BCORL1: variants seen among roughly 807,000 people sequenced by gnomAD.
The protein encoded by BCORL1 is BCL6 corepressor like 1, also known as BCL-6 corepressor-like protein 1.
Under a neutral mutation model 87.6 loss-of-function variants are expected in BCORL1, and 7 were observed. The observed-to-expected ratio is 0.08, with a 90% confidence interval of 0.05 to 0.15. BCORL1 has a LOEUF of 0.15. Ranked by LOEUF, BCORL1 falls within the 10% of genes least tolerant of loss-of-function variation. BCORL1 has a pLI of 1.00. For missense variants in BCORL1, 1,215 were observed against 1,499.7 expected (o/e 0.81, Z 3.13); for synonymous variants, 591 against 634.4 (o/e 0.93, Z 1.03).
chrX:130,053,423 C>A (rs1162659218), intron 13 of BCORL1, among the ~76,000 whole-genome samples: 1 of 111,213 alleles, frequency 9.0e-6, no homozygotes. Flanking sequence ...GAGGACAGGG[C>A]GGGGCCTCTG....
chrX:130,000,553 G>T, intron 1 of BCORL1, among the ~76,000 whole-genome samples: 1 of 112,408 alleles, frequency 8.9e-6, no homozygotes, highest in Non-Finnish European at 1.9e-5. Flanking sequence ...ACGTGTTAAA[G>T]ATTTTATTTT....
At chrX:129,991,006 G>A (rs1382301143) in intron 1 of BCORL1, among the ~76,000 whole-genome samples, 1 of 112,059 alleles carries the variant, frequency 8.9e-6, no homozygotes, top group Admixed American at 9.5e-5. Flanking sequence ...CGTGATCTCG[G>A]CTTACTGCAA....
intron 1 of BCORL1, among the ~76,000 whole-genome samples, chrX:129,989,780 CTT>C (rs1926956805): frequency 9.8e-6 from 1 of 101,750 alleles, no homozygotes; most frequent in Non-Finnish European, 2.0e-5. Flanking sequence ...ACTTAACTCT[CTT>C]TGTTTCTTTT....
At chrX:130,042,119 T>A (rs1489671857) in intron 11 of BCORL1, among the ~76,000 whole-genome samples, 1 of 111,107 alleles carries the variant, frequency 9.0e-6, no homozygotes, top group Non-Finnish European at 1.9e-5. Context: ...GACAGTGTCT[T>A]GCTCTGTCAC....
At position 130,016,105 on chromosome X, in the gene BCORL1, G is replaced by A. The variant is rs768984230; in HGVS notation, c.3333G>A (p.Thr1111=). 14 of 1,209,454 alleles carry A rather than the reference G, an allele frequency of 1.2e-5. No homozygotes were observed. The highest frequency in any genetic ancestry group is 1.6e-5 in the Non-Finnish European group (14 of 895,233). The change falls in exon 4 of 14, where the codon ACG becomes ACA. Residue 1111 remains threonine, a synonymous_variant. Coordinates refer to ENST00000540052, the MANE Select transcript of BCORL1 (RefSeq NM_001379451.1). ...CKNKWQPDDV[T]ESLPPKKMKC... is the part of the protein sequence containing the mutation. Reference sequence around the variant, plus strand: ...ACAAGTGGCAGCCAGATGATGTGACGGAATCTCTGCCGCCCAAGAAGATGA... The same window carrying A: ...ACAAGTGGCAGCCAGATGATGTGACAGAATCTCTGCCGCCCAAGAAGATGA...
upstream of BCORL1, chrX:129,981,535 T>A (rs985266486): frequency 4.6e-5 from 5 of 109,391 alleles, no homozygotes; most frequent in African/African-American, 1.7e-4. Flanking sequence ...ATGGGAGGGA[T>A]GAGGTTTGAA....
chrX:130,031,249 G>A (rs1029981513), intron 8 of BCORL1, among the ~76,000 whole-genome samples: 7 of 112,782 alleles, frequency 6.2e-5, no homozygotes, highest in Non-Finnish European at 1.9e-5. Flanking sequence ...TGGCGATAAA[G>A]CAGCATTGTA....
intron 1 of BCORL1, among the ~76,000 whole-genome samples, chrX:129,994,800 G>GAAA (rs11392966): frequency 6.6e-5 from 7 of 106,681 alleles, no homozygotes; most frequent in African/African-American, 2.1e-4. Flanking sequence ...ATTTGGATAG[G>GAAA]AAAAAAAAAA....
intron 1 of BCORL1, among the ~76,000 whole-genome samples, chrX:129,986,167 T>C (rs933096935): frequency 8.9e-6 from 1 of 112,247 alleles, no homozygotes; most frequent in African/African-American, 3.2e-5. Flanking sequence ...CTCTCCCTTG[T>C]CTGAGTTCAG....
intron 1 of BCORL1, among the ~76,000 whole-genome samples, chrX:130,000,110 A>G (rs1454194595): frequency 9.0e-6 from 1 of 110,600 alleles, no homozygotes; most frequent in East Asian, 2.8e-4. Context: ...CAGTGGCACA[A>G]TCTCAGCTCA....
rs1030286514 is a variant in BCORL1, at chrX:130,056,402, C to G, written c.*266C>G. On this transcript the variant is annotated 3_prime_UTR_variant, in exon 14 of 14. Transcript: ENST00000540052. Reference sequence around the variant, plus strand: ...CTCCATGTCTGAGGACAAGAGGTCCCGGGGGTGGTGGGAGGTGGCGCCGGG... The same window carrying G: ...CTCCATGTCTGAGGACAAGAGGTCCGGGGGGTGGTGGGAGGTGGCGCCGGG... The G allele has an allele frequency of 1.4e-5, 4 of 278,045 alleles. No homozygotes were observed. The highest frequency in any genetic ancestry group is 2.5e-5 in the Non-Finnish European group (4 of 161,208). The allele number at this position is 278,045 out of a possible 1,213,427, so 22.9% of individuals were successfully genotyped here. A position where few individuals can be genotyped will look rare whatever the true frequency, so the allele number is the denominator to read the frequency against.
Position 130,013,921 on chromosome X carries a change from A to G in BCORL1, c.1149A>G (p.Ala383=). Residue 383 remains alanine (A), a synonymous_variant, in exon 4 of 14, where the codon GCA becomes GCG. Coordinates refer to ENST00000540052, the MANE Select transcript of BCORL1 (RefSeq NM_001379451.1). ...CCTTTGCTCCTACACCGGTGCCTGC[A>G]CCCACCCCAGCCCCCATCTTTACTC... ...IPAFAPTPVP[A]PTPAPIFTPA... is the part of the protein sequence containing the mutation. 1.7e-6 allele frequency: 2 copies of G among 1,145,361 alleles called. No homozygotes were observed. The highest frequency in any genetic ancestry group is 2.3e-6 in the Non-Finnish European group (2 of 865,294). 94.4% of individuals were successfully genotyped at this position (1,145,361 alleles called of 1,213,427 possible).
At chrX:129,996,129 A>C (rs1006612212) in intron 1 of BCORL1, among the ~76,000 whole-genome samples, 3 of 110,130 alleles carry the variant, frequency 2.7e-5, no homozygotes, top group Non-Finnish European at 5.7e-5. Context: ...TGCTGCTGTA[A>C]AGTTTGCCTC....
At chrX:130,011,581 G>GTAACTTCACCTTTC (rs1237329391) in intron 2 of BCORL1, among the ~76,000 whole-genome samples, 3 of 107,472 alleles carry the variant, frequency 2.8e-5, no homozygotes, top group African/African-American at 1.0e-4. Flanking sequence ...GGGGAGGGAG[G>GTAACTTCACCTTTC]CAGTCTGATG....
chrX:130,002,172 G>A (rs762471484), intron 1 of BCORL1, among the ~76,000 whole-genome samples: 18 of 110,189 alleles, frequency 1.6e-4, no homozygotes, highest in African/African-American at 5.3e-4. Context: ...GGCATAGGGG[G>A]TGGGGAGCAG....
In BCORL1 at chrX:130,012,672, A is replaced by G. The variant is rs1221452118; in HGVS notation, c.177+4A>G. ...TGTCAGCAGCAGTTTTTCCAAGGTA[A>G]GAGGCTTTATGGAGCCACGTGCTGT... is the stretch of plus-strand genomic sequence containing the variant. On this transcript the variant is annotated splice_donor_region_variant and intron_variant, in intron 3 of 13. Transcript: ENST00000540052. The G allele has an allele frequency of 1.7e-6, 2 of 1,204,173 alleles. No homozygotes were observed. The highest frequency in any genetic ancestry group is 2.2e-6 in the Non-Finnish European group (2 of 890,043).
chrX:130,043,736 A>G (rs1303107818), intron 11 of BCORL1, among the ~76,000 whole-genome samples: 316 of 52,967 alleles, frequency 6.0e-3, no homozygotes, highest in Middle Eastern at 0.018. Context: ...CACCATGCCC[A>G]GCTAATTTGT....
At chrX:129,988,128 T>C (rs1822152652) in intron 1 of BCORL1, among the ~76,000 whole-genome samples, 1 of 111,912 alleles carries the variant, frequency 8.9e-6, no homozygotes, top group African/African-American at 3.2e-5. Flanking sequence ...AGGTAATATC[T>C]ACTTTTCGGC....
intron 7 of BCORL1, among the ~76,000 whole-genome samples, chrX:130,028,315 A>C (rs1241421259): frequency 9.0e-6 from 1 of 111,017 alleles, no homozygotes; most frequent in African/African-American, 3.3e-5. Flanking sequence ...AGAAATTCTG[A>C]TTTGCTCTGG....
Sources: gnomAD v4.1 joint callset for allele counts (sites outside exome capture counted in the v4.1 genomes callset) on GRCh38, gnomAD v4.1.1 for gene constraint, MANE v1.5 for transcripts, NCBI Gene and HGNC (gene_info 2026-07-23, HGNC 2026-07-21) for gene names.